PEX5L: variants seen among roughly 807,000 people sequenced by gnomAD.
The protein encoded by PEX5L is peroxisomal biogenesis factor 5 like, also known as PEX5-related protein.
In PEX5L, 30 loss-of-function variants were observed where a neutral mutation model predicts 84.0. The ratio of observed to expected loss-of-function variants is 0.36; its 90% CI spans 0.27 to 0.48. PEX5L has a LOEUF of 0.48. Among genes scored for constraint, PEX5L ranks in the 20% least tolerant of loss-of-function variants. The probability of loss-of-function intolerance (pLI) is 0.99; values close to 1 mark genes in which losing one functional copy is unlikely to be tolerated. For missense variants in PEX5L, 533 were observed against 754.6 expected, an observed-to-expected ratio of 0.71 and a Z score of 3.44; for synonymous variants, 270 against 283.1, an observed-to-expected ratio of 0.95 and a Z score of 0.46.
chr3:180,024,347 A>AATATATATATATATATATATATATAT lies in PEX5L; in HGVS notation c.21+12206_21+12231dup, dbSNP rs148495757. Among the ~76,000 whole-genome samples, 266 of 107,530 alleles carry AATATATATATATATATATATATATAT rather than the reference A, an allele frequency of 2.5e-3. 1 individual carries two copies. The highest frequency in any genetic ancestry group is 3.9e-3 in the African/African-American group (102 of 26,198). The allele number at this position is 107,530 out of a possible 152,430, so 70.5% of individuals were successfully genotyped here. ...ACACTGTGAAACCCCGTCCCTACTA[A>AATATATATATATATATATATATATAT]ATATATATATATATATATATATATA... On this transcript the variant is annotated intron_variant, in intron 1 of 14. Coordinates refer to ENST00000467460, the MANE Select transcript of PEX5L (RefSeq NM_016559.3).
At chr3:180,005,033 T>C (rs1210272550) in intron 1 of PEX5L, among the ~76,000 whole-genome samples, 2 of 152,144 alleles carry the variant, frequency 1.3e-5, no homozygotes, top group African/African-American at 2.4e-5. Context: ...AAAACTTAGC[T>C]CGTGAACACT....
chr3:180,009,933 A>C (rs1386236506), intron 1 of PEX5L, among the ~76,000 whole-genome samples: 1 of 151,714 alleles, frequency 6.6e-6, no homozygotes, highest in Non-Finnish European at 1.5e-5. Context: ...GTAGTGTGTA[A>C]AGACTTTTAT....
chr3:180,000,639 T>C (rs1461849466), intron 1 of PEX5L, among the ~76,000 whole-genome samples: 1 of 151,338 alleles, frequency 6.6e-6, no homozygotes, highest in Non-Finnish European at 1.5e-5. Context: ...TTCCTCCTTC[T>C]TTTGTTAAAA....
chr3:179,894,216 T>C (rs895177447), intron 3 of PEX5L, among the ~76,000 whole-genome samples: 1 of 152,138 alleles, frequency 6.6e-6, no homozygotes, highest in Non-Finnish European at 1.5e-5. Flanking sequence ...GAGTGATTCA[T>C]TAATATCAAA....
At position 179,853,339 on chromosome 3, in the gene PEX5L, A is replaced by G. The variant is rs146731915; in HGVS notation, c.822+5723T>C. Among the ~76,000 whole-genome samples, 4 of 152,362 alleles carry G rather than the reference A, an allele frequency of 2.6e-5. No individual in the cohort carries two copies. In the East Asian group the frequency reaches 5.8e-4, roughly 22 times the overall value. On this transcript the variant is annotated intron_variant, in intron 8 of 14. Transcript: ENST00000467460. ...CACTTAGAGAGACTAGCTAAACACAATACCAGATGCTGGCTGGCTCTCTTT... is the reference window on the plus strand; with the variant it reads ...CACTTAGAGAGACTAGCTAAACACAGTACCAGATGCTGGCTGGCTCTCTTT...
chr3:179,826,608 T>G (rs796563998), intron 8 of PEX5L, among the ~76,000 whole-genome samples: 18 of 152,278 alleles, frequency 1.2e-4, no homozygotes, highest in African/African-American at 4.3e-4. Context: ...GATGGGGACA[T>G]GTAGACATGG....
intron 2 of PEX5L, among the ~76,000 whole-genome samples, chr3:179,946,759 G>A (rs1414212827): frequency 6.6e-6 from 1 of 152,218 alleles, no homozygotes. Context: ...AGAACCAGGA[G>A]CTAGAGGCTC....
At chr3:179,871,853 G>A (rs1750517142) in intron 7 of PEX5L, among the ~76,000 whole-genome samples, 2 of 152,152 alleles carry the variant, frequency 1.3e-5, no homozygotes, top group African/African-American at 4.8e-5. Flanking sequence ...TCTTTGCTCA[G>A]TAACTCTGTT....
chr3:179,969,957 C>A (rs1416829170), intron 2 of PEX5L, among the ~76,000 whole-genome samples: 1 of 151,908 alleles, frequency 6.6e-6, no homozygotes, highest in East Asian at 1.9e-4. Flanking sequence ...TTAGTCACAA[C>A]AATAGAAATT....
intron 2 of PEX5L, among the ~76,000 whole-genome samples, chr3:179,912,796 T>TA (rs1413326206): frequency 5.3e-5 from 8 of 152,116 alleles, no homozygotes. Context: ...CCAAAAAATT[T>TA]CATGTTTAGG....
rs773999840 is a variant in PEX5L, at chr3:179,866,556, C to T, written c.727-7399G>A. Among the ~76,000 whole-genome samples, 11 of 152,168 alleles carry T rather than the reference C, an allele frequency of 7.2e-5. 1 individual carries two copies. Among genetic ancestry groups the T allele is most frequent in the South Asian group, 6.2e-4 (3 of 4,836 alleles). On this transcript the variant is annotated intron_variant, in intron 7 of 14. Transcript: ENST00000467460. Reference sequence around the variant, plus strand: ...ATAGTACGTGCTTAATACAACTTTGCTTTCATTATTATCTTTCTGGTTAGT... The same window carrying T: ...ATAGTACGTGCTTAATACAACTTTGTTTTCATTATTATCTTTCTGGTTAGT...
In PEX5L at chr3:179,801,798, G is replaced by A; in HGVS notation, c.*30C>T. 7.0e-6 allele frequency: 9 copies of A among 1,278,892 alleles called. No individual in the cohort carries two copies. The highest frequency in any genetic ancestry group is 1.0e-5 in the Non-Finnish European group (9 of 873,740). 79.2% of individuals were successfully genotyped at this position (1,278,892 alleles called of 1,614,324 possible). On this transcript the variant is annotated 3_prime_UTR_variant, in exon 15 of 15. Coordinates refer to ENST00000467460, the MANE Select transcript of PEX5L (RefSeq NM_016559.3). ...TTTTTCAGTACAATCACACAGATCAGGGATTATTAGTACTGGTATTATTCT... is the reference window on the plus strand; with the variant it reads ...TTTTTCAGTACAATCACACAGATCAAGGATTATTAGTACTGGTATTATTCT...
rs116413200 is a variant in PEX5L, at chr3:179,924,560, A to G, written c.94-26314T>C. On this transcript the variant is annotated intron_variant, in intron 2 of 14. Coordinates refer to ENST00000467460, the MANE Select transcript of PEX5L (RefSeq NM_016559.3). The stretch of plus-strand genomic sequence containing the variant: ...TTTCTAAAAGTGAAATTTGATCCTT[A>G]TCATGACCTAGAAAGGCAAAGGAAG... Among the ~76,000 whole-genome samples, 1,479 of 152,326 alleles carry G rather than the reference A, an allele frequency of 9.7e-3. 25 individuals carry two copies. The highest frequency in any genetic ancestry group is 0.034 in the African/African-American group (1,416 of 41,572).
At chr3:179,886,747 C>T (rs184798523) in intron 4 of PEX5L, among the ~76,000 whole-genome samples, 88 of 152,246 alleles carry the variant, frequency 5.8e-4, no homozygotes, top group African/African-American at 2.1e-3. Flanking sequence ...GGAAAAATCA[C>T]GATTTCCTTC....
intron 2 of PEX5L, among the ~76,000 whole-genome samples, chr3:179,953,062 A>C (rs1339172543): frequency 6.6e-5 from 10 of 152,206 alleles, no homozygotes; most frequent in Non-Finnish European, 1.5e-5. Context: ...CAGAAAACTG[A>C]AACTGAACCC....
chr3:180,010,267 C>T (rs113212719), intron 1 of PEX5L, among the ~76,000 whole-genome samples: 47,592 of 90,364 alleles, frequency 0.53, 11,239 homozygotes, highest in African/African-American at 0.75. Flanking sequence ...TTTTTTTTTT[C>T]TGTAGAGATG....
intron 2 of PEX5L, among the ~76,000 whole-genome samples, chr3:179,937,837 G>A (rs1252818393): frequency 2.0e-5 from 3 of 152,130 alleles, no homozygotes; most frequent in Non-Finnish European, 4.4e-5. Flanking sequence ...GCAGAGAAAT[G>A]TTTCTCCTGT....
At chr3:179,804,592 G>T (rs1474599820) in intron 14 of PEX5L, among the ~76,000 whole-genome samples, 1 of 152,162 alleles carries the variant, frequency 6.6e-6, no homozygotes, top group Non-Finnish European at 1.5e-5. Flanking sequence ...TACCAGGGTA[G>T]TGTTTGCCTT....
chr3:179,907,816 C>G (rs545504868), intron 2 of PEX5L, among the ~76,000 whole-genome samples: 1 of 152,208 alleles, frequency 6.6e-6, no homozygotes, highest in East Asian at 1.9e-4. Context: ...AATTGCTGAG[C>G]CAGAATTGTA....
Sources: allele counts gnomAD v4.1 joint callset (sites outside exome capture counted in the v4.1 genomes callset), GRCh38; gene constraint gnomAD v4.1.1; transcripts MANE v1.5; gene names NCBI Gene and HGNC (gene_info 2026-07-23, HGNC 2026-07-21).